Variants in DPP10 observed in about 807,000 individuals in gnomAD.
DPP10 encodes the protein dipeptidyl peptidase like 10, also known as inactive dipeptidyl peptidase 10.
Under a neutral mutation model 120.9 loss-of-function variants are expected in DPP10, and 33 were observed. The observed-to-expected ratio is 0.27, with a 90% CI of 0.21 to 0.37. DPP10 has a LOEUF of 0.37. Among genes scored for constraint, DPP10 ranks in the 10% least tolerant of loss-of-function variants. The probability of loss-of-function intolerance (pLI) is 1.00; values close to 1 mark genes in which losing one functional copy is unlikely to be tolerated. For missense variants in DPP10, 816 were observed against 942.8 expected, an observed-to-expected ratio of 0.87 and a Z score of 1.76; for synonymous variants, 337 against 326.1, an observed-to-expected ratio of 1.03 and a Z score of -0.36.
At chr2:115,226,598 G>A (rs1378960075) in intron 1 of DPP10, among the ~76,000 whole-genome samples, 1 of 152,124 alleles carries the variant, frequency 6.6e-6, no homozygotes, top group Non-Finnish European at 1.5e-5. Flanking sequence ...ATTGTGTCAG[G>A]TAATCTTATT....
At chr2:115,133,704 C>T (rs1343722624) in intron 1 of DPP10, among the ~76,000 whole-genome samples, 1 of 152,102 alleles carries the variant, frequency 6.6e-6, no homozygotes, top group African/African-American at 2.4e-5. Flanking sequence ...CTTCAAGGCC[C>T]GAGCTGTTTT....
At chr2:114,835,371 C>G (rs972207138) in intron 1 of DPP10, 8 of 151,718 alleles carry the variant, frequency 5.3e-5, no homozygotes, top group African/African-American at 1.9e-4. Flanking sequence ...TAAGACATAT[C>G]TACACACCTA....
intron 1 of DPP10, among the ~76,000 whole-genome samples, chr2:115,004,138 G>A (rs1701643074): frequency 6.6e-6 from 1 of 152,056 alleles, no homozygotes. Context: ...CTAAATGAGT[G>A]GATCTCATGA....
intron 3 of DPP10, among the ~76,000 whole-genome samples, chr2:115,460,208 A>G (rs955588533): frequency 2.6e-5 from 4 of 152,046 alleles, no homozygotes; most frequent in Non-Finnish European, 5.9e-5. Flanking sequence ...CATTAACTCT[A>G]CCTGGTGTCC....
intron 1 of DPP10, among the ~76,000 whole-genome samples, chr2:115,197,391 CAAA>C (rs757548532): frequency 2.0e-5 from 2 of 100,348 alleles, no homozygotes; most frequent in African/African-American, 3.8e-5. Context: ...GACTCCATCT[CAAA>C]AAAAAAAAAA....
chr2:115,774,209 TACACACACACACACACAC>T (rs3069387), intron 13 of DPP10, among the ~76,000 whole-genome samples: 1 of 147,522 alleles, frequency 6.8e-6, no homozygotes, highest in African/African-American at 2.5e-5. Context: ...AAAACACACA[TACACACACACACACACAC>T]ACACACACAC....
chr2:114,973,643 C>A lies in DPP10; in HGVS notation c.61-335596C>A, dbSNP rs62167707. Among the ~76,000 whole-genome samples the A allele has an allele frequency of 9.5e-5, 12 of 126,094 alleles. No individual in the cohort carries two copies. The East Asian group carries it at 2.9e-3, about 30-fold the overall frequency. The allele number at this position is 126,094 out of a possible 152,430, so 82.7% of individuals were successfully genotyped here. ...AGCCACTGCACTCCAGCCTGGGCAA[C>A]GGAGTGAGACTCCGTCTCAAAAAAA... On this transcript the variant is annotated intron_variant, in intron 1 of 25. Transcript: ENST00000410059.
At position 115,485,256 on chromosome 2, in the gene DPP10, A is replaced by C. The variant is rs1240463658; in HGVS notation, c.272-14254A>C. Among the ~76,000 whole-genome samples the C allele has an allele frequency of 1.1e-3, 149 of 130,476 alleles. 1 individual carries two copies. The highest frequency in any genetic ancestry group is 4.1e-3 in the Middle Eastern group (1 of 244). The allele number at this position is 130,476 out of a possible 152,430, so 85.6% of individuals were successfully genotyped here. ...ACTGTTCCAAAAAAAAAAAAAAAAA[A>C]CAAACAAAAACCTTAAAGCCTACAT... On this transcript the variant is annotated intron_variant, in intron 3 of 25. Coordinates refer to ENST00000410059, the MANE Select transcript of DPP10 (RefSeq NM_020868.6).
chr2:114,597,716 AG>A (rs1692032976), intron 1 of DPP10, among the ~76,000 whole-genome samples: 1 of 151,954 alleles, frequency 6.6e-6, no homozygotes, highest in African/African-American at 2.4e-5. Context: ...GGTAGAGAAA[AG>A]TGTTTGTAGT....
intron 1 of DPP10, among the ~76,000 whole-genome samples, chr2:115,228,579 A>G (rs890398539): frequency 5.9e-5 from 9 of 151,424 alleles, no homozygotes; most frequent in African/African-American, 2.2e-4. Context: ...TGTAAGCTCA[A>G]TTTTTTTTTA....
chr2:114,640,151 G>A (rs1037018801), intron 1 of DPP10, among the ~76,000 whole-genome samples: 3 of 151,842 alleles, frequency 2.0e-5, no homozygotes, highest in Non-Finnish European at 4.4e-5. Context: ...ATAGGTAAAC[G>A]ATTCCCTAGC....
chr2:114,545,747 G>A (rs1687340443), intron 1 of DPP10, among the ~76,000 whole-genome samples: 1 of 152,170 alleles, frequency 6.6e-6, no homozygotes, highest in Admixed American at 6.5e-5. Context: ...CACAGGTTAA[G>A]CACTGCTACT....
At chr2:115,122,613 C>G (rs1466497796) in intron 1 of DPP10, among the ~76,000 whole-genome samples, 1 of 152,232 alleles carries the variant, frequency 6.6e-6, no homozygotes, top group African/African-American at 2.4e-5. Context: ...TTTGTTGCCA[C>G]ACAATGCAGC....
At chr2:115,294,189 G>A (rs2060783026) in intron 1 of DPP10, among the ~76,000 whole-genome samples, 1 of 152,064 alleles carries the variant, frequency 6.6e-6, no homozygotes, top group Non-Finnish European at 1.5e-5. Flanking sequence ...TGCCTTGGGA[G>A]CCTCATTGAA....
chr2:114,861,916 C>G (rs1041565212), intron 1 of DPP10, among the ~76,000 whole-genome samples: 1 of 151,838 alleles, frequency 6.6e-6, no homozygotes, highest in Non-Finnish European at 1.5e-5. Context: ...TAAGAAACCC[C>G]GAGAAAAGAG....
intron 1 of DPP10, among the ~76,000 whole-genome samples, chr2:115,239,092 C>T (rs992786067): frequency 6.6e-6 from 1 of 151,142 alleles, no homozygotes; most frequent in Non-Finnish European, 1.5e-5. Context: ...TTAGATGGTG[C>T]CCCCCCCAGA....
intron 3 of DPP10, among the ~76,000 whole-genome samples, chr2:115,359,624 G>T (rs964894341): frequency 6.6e-6 from 1 of 151,988 alleles, no homozygotes; most frequent in Non-Finnish European, 1.5e-5. Flanking sequence ...ATATCTCATA[G>T]GGGCTCAACA....
At chr2:114,900,456 T>C (rs2106634507) in intron 1 of DPP10, among the ~76,000 whole-genome samples, 1 of 152,332 alleles carries the variant, frequency 6.6e-6, no homozygotes, top group Non-Finnish European at 1.5e-5. Context: ...ATTTGATTGA[T>C]TGCTAAGGAA....
intron 3 of DPP10, among the ~76,000 whole-genome samples, chr2:115,442,046 T>C (rs1450426549): frequency 1.3e-5 from 2 of 151,690 alleles, no homozygotes; most frequent in Admixed American, 6.6e-5. Flanking sequence ...TCTCTTGACT[T>C]CATGATCTGC....
Sources: allele counts gnomAD v4.1 joint callset (sites outside exome capture counted in the v4.1 genomes callset), GRCh38; gene constraint gnomAD v4.1.1; transcripts MANE v1.5; gene names NCBI Gene and HGNC (gene_info 2026-07-23, HGNC 2026-07-21).